The following AKT3 variants were observed in gnomAD, a reference collection of about 807,000 sequenced individuals.
The protein encoded by AKT3 is RAC-gamma serine/threonine-protein kinase.
Under a neutral mutation model 65.3 loss-of-function variants are expected in AKT3, and 15 were observed. That is an observed-to-expected ratio of 0.23 (90% CI 0.15 to 0.35). The LOEUF is 0.35. Among genes scored for constraint, AKT3 ranks in the 10% least tolerant of loss-of-function variants. AKT3 has a pLI of 1.00. For synonymous variants in AKT3, 206 were observed against 183.8 expected (o/e 1.12, Z -0.98); for missense variants, 243 against 576.5 (o/e 0.42, Z 5.92).
chr1:243,806,359 G>C (rs1005609900), intron 2 of AKT3, among the ~76,000 whole-genome samples: 1 of 142,350 alleles, frequency 7.0e-6, no homozygotes, highest in African/African-American at 2.7e-5. Context: ...TATTTATTAG[G>C]GGAAAAAAAA....
At chr1:243,540,577 G>A (rs1388888061) in intron 12 of AKT3, among the ~76,000 whole-genome samples, 1 of 152,034 alleles carries the variant, frequency 6.6e-6, no homozygotes, top group East Asian at 1.9e-4. Flanking sequence ...ACCTTCCTCT[G>A]TATCTTGTAT....
At chr1:243,512,530 G>A (rs1670083179) in intron 12 of AKT3, 104 bp from the exon 13 acceptor site, 1 of 715,176 alleles carries the variant, frequency 1.4e-6, no homozygotes, top group Non-Finnish European at 2.3e-6. Flanking sequence ...CAGAACAAAA[G>A]TCTACAATGC....
chr1:243,569,118 A>G (rs1311227356), intron 9 of AKT3, among the ~76,000 whole-genome samples: 2 of 152,212 alleles, frequency 1.3e-5, no homozygotes, highest in African/African-American at 4.8e-5. Flanking sequence ...AGGCCCAAGA[A>G]GGTAGTAAGG....
chr1:243,637,572 AAAC>A (rs1384090361), intron 6 of AKT3, 36 bp downstream of exon 6: 1 of 1,553,374 alleles, frequency 6.4e-7, no homozygotes, highest in East Asian at 2.3e-5. Context: ...TGCACACTGC[AAAC>A]AAAAATTTAG....
At chr1:243,698,085 C>CTGTTAATACTGTTTCA (rs1461454902) in intron 2 of AKT3, among the ~76,000 whole-genome samples, 1 of 152,050 alleles carries the variant, frequency 6.6e-6, no homozygotes, top group African/African-American at 2.4e-5. Flanking sequence ...ATGCCTAATA[C>CTGTTAATACTGTTTCA]ACAATTCCCA....
intron 13 of AKT3, among the ~76,000 whole-genome samples, chr1:243,493,321 C>T (rs1667042277): frequency 6.6e-6 from 1 of 152,126 alleles, no homozygotes; most frequent in South Asian, 2.1e-4. Context: ...GTCTGCGGCC[C>T]AGAGCCTGGG....
intron 2 of AKT3, among the ~76,000 whole-genome samples, chr1:243,765,248 C>T (rs1217176742): frequency 6.6e-6 from 1 of 151,762 alleles, no homozygotes; most frequent in South Asian, 2.1e-4. Flanking sequence ...TTTTAAAAGC[C>T]TTTATAAGTT....
chr1:243,539,043 TAAAC>T (rs1366352952), intron 12 of AKT3, among the ~76,000 whole-genome samples: 1 of 152,096 alleles, frequency 6.6e-6, no homozygotes, highest in African/African-American at 2.4e-5. Flanking sequence ...ATAGAAGACA[TAAAC>T]AATACTACCA....
intron 2 of AKT3, among the ~76,000 whole-genome samples, chr1:243,836,334 A>G (rs2148461526): frequency 6.6e-6 from 1 of 152,238 alleles, no homozygotes; most frequent in Middle Eastern, 3.4e-3. Flanking sequence ...CAATACATCA[A>G]GAAGATATAA....
chr1:243,675,373 G>C (rs1461516932), intron 3 of AKT3, among the ~76,000 whole-genome samples: 1 of 152,114 alleles, frequency 6.6e-6, no homozygotes, highest in Non-Finnish European at 1.5e-5. Flanking sequence ...CTAATTTTTT[G>C]TATTTTTAGT....
At chr1:243,526,475 C>A (rs140431114) in intron 12 of AKT3, among the ~76,000 whole-genome samples, 1 of 151,986 alleles carries the variant, frequency 6.6e-6, no homozygotes, top group Non-Finnish European at 1.5e-5. Flanking sequence ...ATGGCTGTTC[C>A]GTCACGTCTA....
intron 8 of AKT3, among the ~76,000 whole-genome samples, chr1:243,608,573 A>C (rs889819141): frequency 1.3e-5 from 2 of 152,088 alleles, no homozygotes; most frequent in African/African-American, 4.8e-5. Context: ...TCTCACGCTC[A>C]AGTCCTTAGA....
At chr1:243,751,917 A>G (rs1031538804) in intron 2 of AKT3, among the ~76,000 whole-genome samples, 1 of 152,172 alleles carries the variant, frequency 6.6e-6, no homozygotes, top group Non-Finnish European at 1.5e-5. Flanking sequence ...CATTTTAATT[A>G]GCTAATCTGC....
rs546793009 is a variant in AKT3, at chr1:243,694,429, T to TG, written c.172+1161dup. On this transcript the variant is annotated intron_variant, in intron 3 of 13. Transcript: ENST00000673466. Reference sequence around the variant, plus strand: ...CATTATTATCTAATGAGCATTTTGGTGGGAAAAAAGATGTTTTCCTTAACT... The same window carrying TG: ...CATTATTATCTAATGAGCATTTTGGTGGGGAAAAAAGATGTTTTCCTTAACT... Among the ~76,000 whole-genome samples the TG allele has an allele frequency of 3.7e-4, 57 of 152,176 alleles. 1 individual carries two copies. Among genetic ancestry groups the TG allele is most frequent in the Non-Finnish European group, 7.8e-4 (53 of 67,970 alleles).
At chr1:243,531,951 T>G (rs1286226596) in intron 12 of AKT3, among the ~76,000 whole-genome samples, 1 of 152,240 alleles carries the variant, frequency 6.6e-6, no homozygotes, top group Non-Finnish European at 1.5e-5. Context: ...TTTTCTAGCT[T>G]GCTTTTGCAT....
chr1:243,779,233 C>T (rs1016451951), intron 2 of AKT3, among the ~76,000 whole-genome samples: 1 of 152,064 alleles, frequency 6.6e-6, no homozygotes, highest in African/African-American at 2.4e-5. Context: ...ACAAACATTC[C>T]TAAGTTTACC....
intron 8 of AKT3, among the ~76,000 whole-genome samples, chr1:243,607,609 G>A (rs541741565): frequency 1.2e-4 from 19 of 152,160 alleles, no homozygotes; most frequent in Non-Finnish European, 1.9e-4. Context: ...TCTCAGATGA[G>A]ACTTTGAACT....
rs7521027 is a variant in AKT3, at chr1:243,503,034, C to A, written c.*2215G>T. On this transcript the variant is annotated 3_prime_UTR_variant, in exon 14 of 14. Transcript: ENST00000673466. Reference sequence around the variant, plus strand: ...TCTTTCTTATATAATGGATGCAAGACAACTTAAAGAACATACCTTCTAGTC... The same window carrying A: ...TCTTTCTTATATAATGGATGCAAGAAAACTTAAAGAACATACCTTCTAGTC... 2,218 of 233,128 alleles carry A rather than the reference C, an allele frequency of 9.5e-3. 47 individuals are homozygous for A. Among genetic ancestry groups the A allele is most frequent in the African/African-American group, 0.046 (2,079 of 45,324 alleles). 14.4% of individuals were successfully genotyped at this position (233,128 alleles called of 1,614,324 possible).
intron 10 of AKT3, among the ~76,000 whole-genome samples, chr1:243,561,633 T>C (rs1673787920): frequency 1.3e-5 from 2 of 152,272 alleles, no homozygotes; most frequent in South Asian, 2.1e-4. Flanking sequence ...TGGCACATAG[T>C]AGATGCTCAT....
Sources: allele counts gnomAD v4.1 joint callset (sites outside exome capture counted in the v4.1 genomes callset), GRCh38; gene constraint gnomAD v4.1.1; transcripts MANE v1.5; gene names NCBI Gene and HGNC (gene_info 2026-07-23, HGNC 2026-07-21).